Variants in ILKAP observed in about 807,000 individuals in gnomAD.
ILKAP encodes integrin-linked kinase-associated serine/threonine phosphatase 2C.
A neutral mutation model predicts 49.1 loss-of-function variants in ILKAP; 11 were observed. The ratio of observed to expected loss-of-function variants is 0.22; its 90% confidence interval spans 0.14 to 0.37. ILKAP has a LOEUF of 0.37. Ranked by LOEUF, ILKAP falls within the 10% of genes least tolerant of loss-of-function variation. ILKAP has a pLI of 1.00. For synonymous variants in ILKAP, 186 were observed against 192.8 expected (o/e 0.96, Z 0.29); for missense variants, 363 against 510.8 (o/e 0.71, Z 2.79).
At chr2:238,173,027 C>A (rs1043823281) in intron 10 of ILKAP, among the ~76,000 whole-genome samples, 12 of 152,184 alleles carry the variant, frequency 7.9e-5, no homozygotes, top group Admixed American at 7.2e-4. Flanking sequence ...TCTTTCTCAA[C>A]CGATCCTGGC....
intron 6 of ILKAP, 49 bp from the exon 7 acceptor site, chr2:238,184,162 A>G (rs1266239041): frequency 1.0e-6 from 1 of 991,108 alleles, no homozygotes; most frequent in Admixed American, 1.8e-5. Flanking sequence ...AGGGAAGATT[A>G]TCCTCCTCCC....
At chr2:238,181,043 G>A (rs7604350) in intron 9 of ILKAP, among the ~76,000 whole-genome samples, 20,931 of 152,230 alleles carry the variant, frequency 0.14, 1,722 homozygotes, top group Middle Eastern at 0.22. Flanking sequence ...CATGTAAACT[G>A]CAGCGACCGT....
chr2:238,170,491 C>T lies in ILKAP; in HGVS notation c.*45G>A. 6.5e-7 allele frequency: 1 copy of T among 1,549,376 alleles called. No homozygotes were observed. Among genetic ancestry groups the T allele is most frequent in the Non-Finnish European group, 8.8e-7 (1 of 1,142,414 alleles). ...ACAATGTGCACACACACAAAATGAA[C>T]CTTTTAAGTCAATACCATGCGTGCT... On this transcript the variant is annotated 3_prime_UTR_variant, in exon 12 of 12. Coordinates refer to ENST00000254654, the MANE Select transcript of ILKAP (RefSeq NM_030768.3).
rs55849458 is a variant in ILKAP, at chr2:238,176,135, C to CTTTTTTTTTTT, written c.837-2493_837-2483dup. On this transcript the variant is annotated intron_variant, in intron 9 of 11. Coordinates refer to ENST00000254654, the MANE Select transcript of ILKAP (RefSeq NM_030768.3). ...AATTACAATGCTTAGCAAGTAGTGG[C>CTTTTTTTTTTT]TTTTTTTTTTTTTTTTGAGACAGAG... Among the ~76,000 whole-genome samples the CTTTTTTTTTTT allele has an allele frequency of 4.1e-5, 4 of 98,014 alleles. 1 individual carries two copies. The highest frequency in any genetic ancestry group is 3.7e-5 in the Non-Finnish European group (2 of 54,760). 64.3% of individuals were successfully genotyped at this position (98,014 alleles called of 152,430 possible). A position where few individuals can be genotyped will look rare whatever the true frequency, so the allele number is the denominator to read the frequency against.
At chr2:238,184,795 T>C (rs926550905) in intron 6 of ILKAP, among the ~76,000 whole-genome samples, 1 of 151,988 alleles carries the variant, frequency 6.6e-6, no homozygotes, top group Non-Finnish European at 1.5e-5. Context: ...ACTCCTGGGC[T>C]TGAGTGATCT....
At chr2:238,193,221 T>C (rs1400969551) in intron 3 of ILKAP, among the ~76,000 whole-genome samples, 1 of 152,142 alleles carries the variant, frequency 6.6e-6, no homozygotes, top group Admixed American at 6.5e-5. Context: ...TTGAACATAT[T>C]AACTTTCCTT....
At chr2:238,194,982 C>T (rs1461615635) in intron 1 of ILKAP, 112 bp from the exon 2 acceptor site, 14 of 820,710 alleles carry the variant, frequency 1.7e-5, no homozygotes, top group African/African-American at 3.4e-5. Flanking sequence ...CTATTAGATT[C>T]TAATTTTCTC....
At chr2:238,171,052 G>T in intron 10 of ILKAP, 28 bp from the exon 11 acceptor site, 1 of 1,548,172 alleles carries the variant, frequency 6.5e-7, no homozygotes. Context: ...AATATAAACG[G>T]GTTTTAGGCC....
rs780101305 is a variant in ILKAP, at chr2:238,170,961, G to A, written c.1020C>T (p.Phe340=). ...TTCTCACCTCGAGACAGGACAAGATGAAGTTCACGGCTTCTTCTGGGGTAA... is the reference window on the plus strand; with the variant it reads ...TTCTCACCTCGAGACAGGACAAGATAAAGTTCACGGCTTCTTCTGGGGTAA... ...KVFTPEEAVN[F]ILSCLEDEKI... Residue 340 remains phenylalanine (F), a synonymous_variant, in exon 11 of 12, where the codon TTC becomes TTT. Coordinates refer to ENST00000254654, the MANE Select transcript of ILKAP (RefSeq NM_030768.3). 1.9e-5 allele frequency: 31 copies of A among 1,613,844 alleles called. No homozygotes were observed. The highest frequency in any genetic ancestry group is 2.5e-5 in the Non-Finnish European group (29 of 1,179,924).
chr2:238,174,754 A>G (rs1256776071), intron 9 of ILKAP, among the ~76,000 whole-genome samples: 4 of 152,190 alleles, frequency 2.6e-5, no homozygotes, highest in Non-Finnish European at 5.9e-5. Context: ...AAACTGTTAA[A>G]TAGCAAGAGG....
At chr2:238,183,540 A>T (rs1406437477) in intron 8 of ILKAP, 113 bp downstream of exon 8, 1 of 764,832 alleles carries the variant, frequency 1.3e-6, no homozygotes, top group Non-Finnish European at 2.2e-6. Flanking sequence ...CAACCCCAGA[A>T]GAAAGGTTTC....
chr2:238,200,649 T>C (rs141305535), intron 1 of ILKAP, among the ~76,000 whole-genome samples: 1 of 152,250 alleles, frequency 6.6e-6, no homozygotes, highest in East Asian at 1.9e-4. Flanking sequence ...TGGCAAAGCC[T>C]TGTCTCTACA....
In ILKAP at chr2:238,182,197, G is replaced by A. The variant is rs1291691881; in HGVS notation, c.715-11C>T. ...ACGACACAAGATTGCCTGGGAAGAT[G>A]GAGATTGTAATAGTCATGAAATTCA... On this transcript the variant is annotated splice_polypyrimidine_tract_variant and intron_variant, in intron 8 of 11. Coordinates refer to ENST00000254654, the MANE Select transcript of ILKAP (RefSeq NM_030768.3). 6.2e-7 allele frequency: 1 copy of A among 1,612,928 alleles called. No individual in the cohort carries two copies. Among genetic ancestry groups the A allele is most frequent in the Non-Finnish European group, 8.5e-7 (1 of 1,179,132 alleles).
chr2:238,192,100 T>C (rs1319924830), intron 3 of ILKAP, among the ~76,000 whole-genome samples: 1 of 149,404 alleles, frequency 6.7e-6, no homozygotes, highest in East Asian at 2.0e-4. Context: ...TAGTCCCAGC[T>C]ACTCGGGAGG....
At chr2:238,197,966 G>C (rs1184606317) in intron 1 of ILKAP, among the ~76,000 whole-genome samples, 1 of 152,148 alleles carries the variant, frequency 6.6e-6, no homozygotes, top group Non-Finnish European at 1.5e-5. Context: ...GTAAGGAGTG[G>C]AGTGGGGATT....
intron 1 of ILKAP, among the ~76,000 whole-genome samples, chr2:238,198,656 T>C (rs537018926): frequency 5.3e-5 from 8 of 152,316 alleles, no homozygotes; most frequent in African/African-American, 1.9e-4. Flanking sequence ...TTAAAAATAT[T>C]AGAACCCTAA....
chr2:238,199,142 A>C (rs11692757), intron 1 of ILKAP, among the ~76,000 whole-genome samples: 1 of 151,992 alleles, frequency 6.6e-6, no homozygotes, highest in Non-Finnish European at 1.5e-5. Flanking sequence ...CAACACACCC[A>C]AGTCTAATTC....
At chr2:238,182,233 C>T in intron 8 of ILKAP, 47 bp from the exon 9 acceptor site, 1 of 1,604,920 alleles carries the variant, frequency 6.2e-7, no homozygotes, top group Non-Finnish European at 8.5e-7. Flanking sequence ...GTGGGCGCAG[C>T]ATCTAAAGGT....
chr2:238,174,239 A>C (rs1237925332), intron 9 of ILKAP, among the ~76,000 whole-genome samples: 3 of 152,186 alleles, frequency 2.0e-5, no homozygotes, highest in Admixed American at 2.0e-4. Context: ...ATTCTATTTT[A>C]GGTGAGGGGA....
Sources: allele counts gnomAD v4.1 joint callset (sites outside exome capture counted in the v4.1 genomes callset), GRCh38; gene constraint gnomAD v4.1.1; transcripts MANE v1.5; gene names NCBI Gene and HGNC (gene_info 2026-07-23, HGNC 2026-07-21).